The following STAC variants were observed in gnomAD, a reference collection of about 807,000 sequenced individuals.
STAC encodes SH3 and cysteine rich domain.
In STAC, 43 loss-of-function variants were observed where a neutral mutation model predicts 48.8. That is an observed-to-expected ratio of 0.88 (90% CI 0.69 to 1.14). The LOEUF is 1.14. STAC is among the 50% of genes most tolerant of loss of function. STAC has a pLI of 0.00. For synonymous variants in STAC, 193 were observed against 179.5 expected, an observed-to-expected ratio of 1.07 and a Z score of -0.60; for missense variants, 497 against 504.0, an observed-to-expected ratio of 0.99 and a Z score of 0.13.
intron 2 of STAC, among the ~76,000 whole-genome samples, chr3:36,473,925 G>T (rs981595264): frequency 3.3e-5 from 5 of 152,096 alleles, no homozygotes; most frequent in African/African-American, 1.2e-4. Flanking sequence ...CCCTGAATAG[G>T]TAGGTGTGTG....
intron 2 of STAC, among the ~76,000 whole-genome samples, chr3:36,474,201 C>T (rs939676975): frequency 6.6e-6 from 1 of 152,084 alleles, no homozygotes; most frequent in South Asian, 2.1e-4. Context: ...ACTATGAGAC[C>T]CCATATGTAA....
At chr3:36,415,151 G>A (rs1008178373) in intron 1 of STAC, among the ~76,000 whole-genome samples, 10 of 152,148 alleles carry the variant, frequency 6.6e-5, no homozygotes, top group South Asian at 2.1e-4. Context: ...GTCGGTTCTC[G>A]GATCTCAAGC....
intron 2 of STAC, among the ~76,000 whole-genome samples, chr3:36,455,787 G>C (rs1263574863): frequency 6.7e-6 from 1 of 149,470 alleles, no homozygotes; most frequent in African/African-American, 2.5e-5. Flanking sequence ...GTGTGTGTGT[G>C]TCTACATTGT....
intron 2 of STAC, among the ~76,000 whole-genome samples, chr3:36,480,478 G>A (rs1411501889): frequency 6.6e-6 from 1 of 152,080 alleles, no homozygotes; most frequent in African/African-American, 2.4e-5. Flanking sequence ...TCATTCAGAG[G>A]TTTGCCTGTT....
chr3:36,393,104 A>G (rs898935768), intron 1 of STAC, among the ~76,000 whole-genome samples: 1 of 152,002 alleles, frequency 6.6e-6, no homozygotes, highest in Non-Finnish European at 1.5e-5. Flanking sequence ...CAAGCTTCCC[A>G]CTCTGTGGCT....
intron 6 of STAC, among the ~76,000 whole-genome samples, chr3:36,496,663 T>C (rs1166027197): frequency 1.3e-5 from 2 of 152,242 alleles, no homozygotes; most frequent in Non-Finnish European, 2.9e-5. Context: ...TTGAACACTA[T>C]TCCTGGATGC....
chr3:36,500,570 C>T (rs1425600344), intron 6 of STAC, among the ~76,000 whole-genome samples: 1 of 152,028 alleles, frequency 6.6e-6, no homozygotes, highest in East Asian at 1.9e-4. Flanking sequence ...TGTAACAAAC[C>T]TGCACATGTA....
chr3:36,460,514 C>T (rs760672753), intron 2 of STAC, among the ~76,000 whole-genome samples: 16 of 152,080 alleles, frequency 1.1e-4, no homozygotes, highest in Non-Finnish European at 1.9e-4. Flanking sequence ...CAACCCTACC[C>T]CCAGGGGACA....
chr3:36,515,437 C>A (rs1016193322), intron 8 of STAC, among the ~76,000 whole-genome samples: 2 of 151,988 alleles, frequency 1.3e-5, no homozygotes, highest in South Asian at 4.2e-4. Flanking sequence ...TGTGCTTTTT[C>A]CAAAAAGGGT....
intron 1 of STAC, among the ~76,000 whole-genome samples, chr3:36,392,730 C>A (rs1405557733): frequency 6.6e-6 from 1 of 152,038 alleles, no homozygotes; most frequent in Non-Finnish European, 1.5e-5. Flanking sequence ...AGAGAGGCAG[C>A]CTTACTGCTG....
intron 2 of STAC, among the ~76,000 whole-genome samples, chr3:36,471,981 G>T (rs951457950): frequency 5.3e-5 from 8 of 152,178 alleles, no homozygotes; most frequent in Admixed American, 4.6e-4. Flanking sequence ...TCTGTGTGGG[G>T]TCTCCCACCC....
intron 6 of STAC, among the ~76,000 whole-genome samples, chr3:36,500,987 G>T (rs1364254806): frequency 1.3e-5 from 2 of 152,108 alleles, no homozygotes; most frequent in Non-Finnish European, 2.9e-5. Context: ...AGCTACTGTG[G>T]AAGCTTAGGG....
chr3:36,481,196 TAAG>T (rs1414167415), intron 2 of STAC, among the ~76,000 whole-genome samples: 2 of 152,170 alleles, frequency 1.3e-5, no homozygotes, highest in African/African-American at 4.8e-5. Flanking sequence ...CAAGGAACTA[TAAG>T]AAGACCACAT....
At chr3:36,381,582 T>G in intron 1 of STAC, among the ~76,000 whole-genome samples, 1 of 146,172 alleles carries the variant, frequency 6.8e-6, no homozygotes, top group East Asian at 2.0e-4. Flanking sequence ...TCTGATTTCA[T>G]TGTGCGATCC....
chr3:36,475,260 TTA>T (rs1697460761), intron 2 of STAC, among the ~76,000 whole-genome samples: 1 of 148,406 alleles, frequency 6.7e-6, no homozygotes, highest in South Asian at 2.2e-4. Flanking sequence ...ATACATCATG[TTA>T]TTTTTTTTTT....
chr3:36,499,438 C>T (rs760535304), intron 6 of STAC, among the ~76,000 whole-genome samples: 2 of 151,784 alleles, frequency 1.3e-5, no homozygotes, highest in Non-Finnish European at 2.9e-5. Flanking sequence ...TCTAAGATGA[C>T]TGCTAAAGGA....
chr3:36,546,402 C>G lies in STAC; in HGVS notation c.*113C>G, dbSNP rs1265907636. On this transcript the variant is annotated 3_prime_UTR_variant, in exon 11 of 11. Transcript: ENST00000273183. ...CGCACTGACCCAGCCCCCCAGGAAACAGTGAGACAAGAATCAAGTATCTGA... is the reference window on the plus strand; with the variant it reads ...CGCACTGACCCAGCCCCCCAGGAAAGAGTGAGACAAGAATCAAGTATCTGA... 3 of 868,750 alleles carry G rather than the reference C, an allele frequency of 3.5e-6. No homozygotes were observed. The highest frequency in any genetic ancestry group is 5.0e-5 in the East Asian group (2 of 39,988). The allele number at this position is 868,750 out of a possible 1,614,324, so 53.8% of individuals were successfully genotyped here. A position where few individuals can be genotyped will look rare whatever the true frequency, so the allele number is the denominator to read the frequency against.
intron 2 of STAC, among the ~76,000 whole-genome samples, chr3:36,444,951 C>A (rs1174288644): frequency 6.6e-6 from 1 of 152,180 alleles, no homozygotes; most frequent in Non-Finnish European, 1.5e-5. Flanking sequence ...GACACTTCAG[C>A]CTCTAACTTA....
intron 1 of STAC, among the ~76,000 whole-genome samples, chr3:36,397,685 C>T (rs1277707577): frequency 6.6e-6 from 1 of 152,192 alleles, no homozygotes; most frequent in African/African-American, 2.4e-5. Flanking sequence ...CCAAATTGTG[C>T]AGATATTTAA....
Sources: allele counts gnomAD v4.1 joint callset (sites outside exome capture counted in the v4.1 genomes callset), GRCh38; gene constraint gnomAD v4.1.1; transcripts MANE v1.5; gene names NCBI Gene and HGNC (gene_info 2026-07-23, HGNC 2026-07-21).